Variants in ADAM10 observed in about 807,000 individuals in gnomAD.
ADAM10 encodes the protein ADAM metallopeptidase domain 10.
ADAM10 carries 17 observed loss-of-function variants against 90.1 expected under a neutral mutation model. The ratio of observed to expected loss-of-function variants is 0.19; its 90% CI spans 0.13 to 0.28. The LOEUF is 0.28. ADAM10 is among the 10% of genes least tolerant of loss of function. The pLI, the probability that ADAM10 is intolerant of heterozygous loss-of-function variation, is 1.00. For synonymous variants in ADAM10, 310 were observed against 298.6 expected, an observed-to-expected ratio of 1.04 and a Z score of -0.40; for missense variants, 610 against 914.3, an observed-to-expected ratio of 0.67 and a Z score of 4.29.
chr15:58,599,707 T>C lies in ADAM10; in HGVS notation c.2043A>G (p.Val681=), dbSNP rs144826830. The C allele has an allele frequency of 2.3e-4, 373 of 1,612,122 alleles. No homozygotes were observed. Among genetic ancestry groups the C allele is most frequent in the African/African-American group, 8.5e-4 (63 of 74,482 alleles). The part of the protein sequence containing the change: ...AEWIVAHWWA[V]LLMGIALIML... ...TGATCAGAGCAATTCCCATAAGTAA[T>C]ACTGCCCACCAATGAGCCTAGAAAT... Residue 681 remains valine (V), a synonymous_variant, in exon 15 of 16, where the codon GTA becomes GTG. Coordinates refer to ENST00000260408, the MANE Select transcript of ADAM10 (RefSeq NM_001110.4).
At chr15:58,663,314 A>G (rs1396525012) in intron 5 of ADAM10, among the ~76,000 whole-genome samples, 1 of 152,196 alleles carries the variant, frequency 6.6e-6, no homozygotes, top group East Asian at 1.9e-4. Flanking sequence ...CATTTATTCA[A>G]TGGTCCTCAC....
chr15:58,743,039 C>G (rs1479320336), intron 1 of ADAM10, among the ~76,000 whole-genome samples: 3 of 152,190 alleles, frequency 2.0e-5, no homozygotes, highest in African/African-American at 2.4e-5. Flanking sequence ...ACCTGGGCAA[C>G]AGAAAGAGAC....
At chr15:58,666,952 T>G (rs1263716107) in intron 4 of ADAM10, among the ~76,000 whole-genome samples, 1 of 152,170 alleles carries the variant, frequency 6.6e-6, no homozygotes, top group Non-Finnish European at 1.5e-5. Context: ...TAAAAGATGC[T>G]GTTTTCCTTG....
intron 5 of ADAM10, among the ~76,000 whole-genome samples, chr15:58,647,246 G>GT (rs1323960397): frequency 5.4e-5 from 2 of 36,826 alleles, no homozygotes; most frequent in African/African-American, 1.5e-4. Context: ...TAGACACTAA[G>GT]TATTTTTTTT....
intron 1 of ADAM10, among the ~76,000 whole-genome samples, chr15:58,742,314 C>T (rs1413197554): frequency 1.3e-5 from 2 of 152,052 alleles, no homozygotes; most frequent in Non-Finnish European, 2.9e-5. Context: ...GTGACATAAC[C>T]CCACATTAAG....
chr15:58,665,797 C>T (rs923063351), intron 4 of ADAM10, among the ~76,000 whole-genome samples: 2 of 152,036 alleles, frequency 1.3e-5, no homozygotes, highest in Non-Finnish European at 2.9e-5. Flanking sequence ...CAAGTCATTA[C>T]TGCCCTTATT....
chr15:58,744,924 T>C (rs1189824777), intron 1 of ADAM10, among the ~76,000 whole-genome samples: 1 of 152,202 alleles, frequency 6.6e-6, no homozygotes, highest in Non-Finnish European at 1.5e-5. Context: ...GGCTCATGCA[T>C]GTAATCCCAG....
At chr15:58,657,618 A>C (rs1896859786) in intron 5 of ADAM10, among the ~76,000 whole-genome samples, 1 of 152,184 alleles carries the variant, frequency 6.6e-6, no homozygotes, top group African/African-American at 2.4e-5. Context: ...AATTTCTTTG[A>C]GTTTCCTCAA....
intron 8 of ADAM10, among the ~76,000 whole-genome samples, chr15:58,633,939 A>G (rs925771671): frequency 1.3e-5 from 2 of 151,982 alleles, no homozygotes; most frequent in Non-Finnish European, 2.9e-5. Flanking sequence ...GAAAGAAGGA[A>G]AAAGAGAAGA....
intron 11 of ADAM10, among the ~76,000 whole-genome samples, chr15:58,617,440 AG>A (rs1220056127): frequency 2.6e-5 from 4 of 152,180 alleles, no homozygotes; most frequent in African/African-American, 9.6e-5. Flanking sequence ...ATTAAAAAAA[AG>A]TTTCCCAACA....
chr15:58,724,176 C>CA lies in ADAM10; in HGVS notation c.56-6450dup, dbSNP rs547892688. On this transcript the variant is annotated intron_variant, in intron 1 of 15. Transcript: ENST00000260408. ...TAGGCAACAGAGCAAGACTCCGTCT[C>CA]AAAAAAAAAAAAAGAAAGAAATTCA... Among the ~76,000 whole-genome samples the CA allele has an allele frequency of 3.8e-3, 450 of 119,896 alleles. 4 individuals are homozygous for CA. Among genetic ancestry groups the CA allele is most frequent in the Middle Eastern group, 0.014 (3 of 220 alleles). The allele number at this position is 119,896 out of a possible 152,430, so 78.7% of individuals were successfully genotyped here. A position where few individuals can be genotyped will look rare whatever the true frequency, so the allele number is the denominator to read the frequency against.
chr15:58,738,797 T>A (rs1899510861), intron 1 of ADAM10, among the ~76,000 whole-genome samples: 1 of 152,236 alleles, frequency 6.6e-6, no homozygotes, highest in African/African-American at 2.4e-5. Context: ...TTGAAATTCT[T>A]TTATACAATC....
chr15:58,651,497 G>A (rs981051321), intron 5 of ADAM10, among the ~76,000 whole-genome samples: 7 of 152,256 alleles, frequency 4.6e-5, no homozygotes, highest in Admixed American at 1.3e-4. Context: ...ACAAATAAGT[G>A]AGAATATGTG....
At chr15:58,700,470 C>T (rs761123069) in intron 2 of ADAM10, among the ~76,000 whole-genome samples, 1 of 152,074 alleles carries the variant, frequency 6.6e-6, no homozygotes, top group African/African-American at 2.4e-5. Flanking sequence ...CAAACATCCT[C>T]CTGAAAGACA....
chr15:58,623,075 C>A (rs1053236384), intron 10 of ADAM10, among the ~76,000 whole-genome samples: 3 of 152,146 alleles, frequency 2.0e-5, no homozygotes, highest in African/African-American at 7.2e-5. Flanking sequence ...ACATACATCT[C>A]AACACAGGAA....
rs58106236 is a variant in ADAM10 at position 58,635,274 on chromosome 15, C to CAA, written c.1013-1917_1013-1916dup. Among the ~76,000 whole-genome samples, 507 of 65,428 alleles carry CAA rather than the reference C, an allele frequency of 7.7e-3. 13 individuals carry two copies. The highest frequency in any genetic ancestry group is 0.015 in the African/African-American group (203 of 13,248). The allele number at this position is 65,428 out of a possible 152,430, so 42.9% of individuals were successfully genotyped here. On this transcript the variant is annotated intron_variant, in intron 8 of 15. Coordinates refer to ENST00000260408, the MANE Select transcript of ADAM10 (RefSeq NM_001110.4). ...TGGGTGACAGAGCAAGACTCTGTCT[C>CAA]AAAAAAAAAAAAAAAAAAAGAAAGA... is the stretch of plus-strand genomic sequence containing the variant.
intron 2 of ADAM10, chr15:58,692,525 T>G (rs572225103): frequency 1.9e-6 from 1 of 523,684 alleles, no homozygotes; most frequent in Admixed American, 2.1e-5. Flanking sequence ...TCATCATCAC[T>G]GATTTCCTTC....
chr15:58,705,891 ATT>A (rs1478997392), intron 2 of ADAM10, among the ~76,000 whole-genome samples: 1 of 152,134 alleles, frequency 6.6e-6, no homozygotes, highest in African/African-American at 2.4e-5. Context: ...CTCTTTTGTT[ATT>A]TGTTATTGTT....
At chr15:58,727,074 A>T (rs1158213074) in intron 1 of ADAM10, among the ~76,000 whole-genome samples, 4 of 151,436 alleles carry the variant, frequency 2.6e-5, no homozygotes, top group Non-Finnish European at 5.9e-5. Context: ...TGACGTGATC[A>T]TAGCTCATTG....
Sources: gnomAD v4.1 joint callset for allele counts (sites outside exome capture counted in the v4.1 genomes callset) on GRCh38, gnomAD v4.1.1 for gene constraint, MANE v1.5 for transcripts, NCBI Gene and HGNC (gene_info 2026-07-23, HGNC 2026-07-21) for gene names.